Variants in RMP64 observed in about 807,000 individuals in gnomAD.
RMP64 encodes ribonuclease MRP subunit p64, also known as nucleolus and neural progenitor protein.
the RMP64 span, chr3:113,003,546 C>CT: frequency 2.0e-5 from 3 of 152,192 alleles, no homozygotes; most frequent in Admixed American, 1.3e-4. Flanking sequence ...ACATGTGAAG[C>CT]TTTTTTGCCA....
At chr3:113,002,551 G>A in the RMP64 span, 1 of 152,308 alleles carries the variant, frequency 6.6e-6, no homozygotes. Flanking sequence ...ATAGAGAAAA[G>A]GGGGTACATG....
the RMP64 span, chr3:113,005,260 C>T: frequency 4.7e-6 from 2 of 429,718 alleles, no homozygotes; most frequent in Non-Finnish European, 8.5e-6. Context: ...TTACTAGCCT[C>T]ACTCAAGGAA....
At chr3:113,003,476 AAAGT>A in the RMP64 span, 2 of 152,214 alleles carry the variant, frequency 1.3e-5, no homozygotes, top group African/African-American at 4.8e-5. Context: ...TTATTTGGAA[AAAGT>A]AACTGATACA....
At chr3:113,017,574 T>C in the RMP64 span, 2 of 1,614,182 alleles carry the variant, frequency 1.2e-6, no homozygotes, top group Non-Finnish European at 1.7e-6. Context: ...CGAGATGGCA[T>C]TCTTTAATTA....
At chr3:113,008,384 G>A in the RMP64 span, 5 of 1,613,174 alleles carry the variant, frequency 3.1e-6, no homozygotes, top group African/African-American at 2.7e-5. Flanking sequence ...AGAATACTTG[G>A]TTGTCTTTAG....
the RMP64 span, chr3:113,012,681 T>C: frequency 1.0e-6 from 1 of 997,158 alleles, no homozygotes; most frequent in Non-Finnish European, 1.6e-6. Flanking sequence ...ATAAGAAACC[T>C]AGGCTGAAAG....
chr3:113,014,184 C>T, the RMP64 span: 1 of 567,536 alleles, frequency 1.8e-6, no homozygotes, highest in Admixed American at 3.3e-5. Context: ...GTAGAGAAAT[C>T]CAAAGCGCAA....
chr3:113,013,232 CAAATCA>C, the RMP64 span: 1 of 1,601,484 alleles, frequency 6.2e-7, no homozygotes, highest in Non-Finnish European at 8.5e-7. Context: ...CAAACAATTC[CAAATCA>C]AAAGAAGGTA....
At chr3:113,010,967 A>G in the RMP64 span, 2 of 1,311,274 alleles carry the variant, frequency 1.5e-6, no homozygotes, top group African/African-American at 1.5e-5. Flanking sequence ...TATGCAATGC[A>G]TGACTATTAC....
the RMP64 span, chr3:113,005,446 C>T: frequency 8.7e-6 from 7 of 801,480 alleles, no homozygotes; most frequent in Non-Finnish European, 1.5e-5. Flanking sequence ...CTCTGTGAGT[C>T]CAGGTGGTAC....
At chr3:113,014,142 A>G in the RMP64 span, 1 of 700,618 alleles carries the variant, frequency 1.4e-6, no homozygotes, top group South Asian at 1.7e-5. Context: ...GAAATATGCT[A>G]AATATCACAG....
At chr3:113,004,059 T>C in the RMP64 span, 1 of 152,212 alleles carries the variant, frequency 6.6e-6, no homozygotes, top group South Asian at 2.1e-4. Flanking sequence ...ACTTAGAAGT[T>C]AATGGCCATT....
chr3:113,010,678 C>T, the RMP64 span: 2 of 1,613,552 alleles, frequency 1.2e-6, no homozygotes, highest in Admixed American at 1.7e-5. Flanking sequence ...TTGCAGAAAG[C>T]CCTCACATCA....
chr3:113,006,748 T>TA, the RMP64 span, among the ~76,000 whole-genome samples: 1 of 152,190 alleles, frequency 6.6e-6, no homozygotes, highest in Non-Finnish European at 1.5e-5. Context: ...CCATACCATT[T>TA]TCTTATCTCA....
the RMP64 span, chr3:113,010,636 G>A: frequency 6.2e-7 from 1 of 1,609,696 alleles, no homozygotes; most frequent in Non-Finnish European, 8.5e-7. Flanking sequence ...AATGAAGCCA[G>A]ACAAACCTGA....
At chr3:113,012,859 T>A in the RMP64 span, 2 of 1,101,148 alleles carry the variant, frequency 1.8e-6, no homozygotes, top group Non-Finnish European at 2.8e-6. Context: ...TAATGTGGGT[T>A]TTGTAAGTTA....
the RMP64 span, chr3:113,013,167 G>C: frequency 1.6e-6 from 2 of 1,231,734 alleles, no homozygotes; most frequent in Non-Finnish European, 2.3e-6. Flanking sequence ...AATTCCTGTA[G>C]GTTGTAACTC....
the RMP64 span, chr3:113,002,490 G>A: frequency 3.9e-5 from 6 of 152,142 alleles, no homozygotes; most frequent in Admixed American, 2.6e-4. Flanking sequence ...CAGAAGCCAT[G>A]TCTCAGGCAG....
At chr3:113,007,000 A>G in the RMP64 span, among the ~76,000 whole-genome samples, 1 of 152,228 alleles carries the variant, frequency 6.6e-6, no homozygotes, top group East Asian at 1.9e-4. Context: ...AAGGAGCACT[A>G]TATCTGGGGG....
Sources: gnomAD v4.1 joint callset for allele counts (sites outside exome capture counted in the v4.1 genomes callset) on GRCh38, gnomAD v4.1.1 for gene constraint, MANE v1.5 for transcripts, NCBI Gene and HGNC (gene_info 2026-07-23, HGNC 2026-07-21) for gene names.